Variants in MCM6 observed in about 807,000 individuals in gnomAD.
MCM6 encodes minichromosome maintenance complex component 6, also known as DNA replication licensing factor MCM6.
A neutral mutation model predicts 94.3 loss-of-function variants in MCM6; 46 were observed. The ratio of observed to expected loss-of-function variants is 0.49; its 90% CI spans 0.39 to 0.62. The LOEUF is 0.62. Among genes scored for constraint, MCM6 ranks in the 20% least tolerant of loss-of-function variants. MCM6 has a pLI of 0.00. For missense variants in MCM6, 865 were observed against 1,017.9 expected (o/e 0.85, Z 2.04); for synonymous variants, 335 against 351.9 (o/e 0.95, Z 0.54).
Position 135,839,917 on chromosome 2 carries a change from T to C in MCM6, c.*918A>G, listed in dbSNP as rs1198406454. ...TAGCCTCAGACAGTTATTTTGCTTT[T>C]GTGACCTTTAACATACTTTGTGATT... is the stretch of plus-strand genomic sequence containing the variant. On this transcript the variant is annotated 3_prime_UTR_variant, in exon 17 of 17. Coordinates refer to ENST00000264156, the MANE Select transcript of MCM6 (RefSeq NM_005915.6). The C allele has an allele frequency of 6.6e-6, 1 of 152,216 alleles. No individual in the cohort carries two copies. The highest frequency in any genetic ancestry group is 1.5e-5 in the Non-Finnish European group (1 of 68,056). The allele number at this position is 152,216 out of a possible 1,614,324, so 9.4% of individuals were successfully genotyped here.
rs140430334 is a variant in MCM6 at position 135,844,814 on chromosome 2, G to T, written c.2210-130C>A. The T allele has an allele frequency of 2.5e-3, 2,175 of 853,362 alleles. 15 individuals are homozygous for T. Among genetic ancestry groups the T allele is most frequent in the South Asian group, 0.016 (503 of 31,732 alleles). The allele number at this position is 853,362 out of a possible 1,614,324, so 52.9% of individuals were successfully genotyped here. On this transcript the variant is annotated intron_variant, in intron 15 of 16. Coordinates refer to ENST00000264156, the MANE Select transcript of MCM6 (RefSeq NM_005915.6). ...TGTCAAGCCGTCCGAAAGTACATCT[G>T]GTGACGTAAGGTCCGCAATGTTCTA...
chr2:135,872,880 A>G, intron 1 of MCM6, 37 bp from the exon 2 acceptor site: 1 of 1,608,752 alleles, frequency 6.2e-7, no homozygotes, highest in Non-Finnish European at 8.5e-7. Flanking sequence ...TTAAGGACAC[A>G]GGCAGTACAA....
rs56032943 is a variant in MCM6 at position 135,858,803 on chromosome 2, A to T, written c.1362+498T>A. ...GATCTAAACTAGTAACAGCAAACAC[A>T]CGTGCTCAGGACATGCTGATCAACT... On this transcript the variant is annotated intron_variant, in intron 9 of 16. Transcript: ENST00000264156. Among the ~76,000 whole-genome samples, 1,286 of 152,314 alleles carry T rather than the reference A, an allele frequency of 8.4e-3. 23 individuals are homozygous for T. The highest frequency in any genetic ancestry group is 0.029 in the African/African-American group (1,211 of 41,570).
At chr2:135,858,608 T>G (rs1001948766) in intron 9 of MCM6, among the ~76,000 whole-genome samples, 3 of 151,780 alleles carry the variant, frequency 2.0e-5, no homozygotes, top group Non-Finnish European at 2.9e-5. Flanking sequence ...CTTAACTCCC[T>G]TTTCTAAGGA....
In MCM6 at chr2:135,865,152, T is replaced by C. The variant is rs767371849; in HGVS notation, c.939A>G (p.Lys313=). 2.6e-6 allele frequency: 4 copies of C among 1,530,842 alleles called. No homozygotes were observed. Among genetic ancestry groups the C allele is most frequent in the Non-Finnish European group, 2.6e-6 (3 of 1,141,468 alleles). 94.8% of individuals were successfully genotyped at this position (1,530,842 alleles called of 1,614,324 possible). A position where few individuals can be genotyped will look rare whatever the true frequency, so the allele number is the denominator to read the frequency against. ...CTGTCTGTTCCTCATCTCTGAGCTCTTTCCCCCCAAACTAATGGTAGAGAA... is the reference window on the plus strand; with the variant it reads ...CTGTCTGTTCCTCATCTCTGAGCTCCTTCCCCCCAAACTAATGGTAGAGAA... ...VAPTNPRFGG[K]ELRDEEQTAE... The change falls in exon 7 of 17, where the codon AAA becomes AAG. Residue 313 remains lysine, a synonymous_variant. Coordinates refer to ENST00000264156, the MANE Select transcript of MCM6 (RefSeq NM_005915.6).
At chr2:135,856,429 A>G (rs1055066398) in intron 11 of MCM6, among the ~76,000 whole-genome samples, 1 of 152,236 alleles carries the variant, frequency 6.6e-6, no homozygotes, top group Non-Finnish European at 1.5e-5. Flanking sequence ...GTCTCCAGTG[A>G]GAGGCTGTTT....
At chr2:135,859,638 C>T (rs1170724475) in intron 8 of MCM6, among the ~76,000 whole-genome samples, 196 bp from the exon 9 acceptor site, 1 of 151,594 alleles carries the variant, frequency 6.6e-6, no homozygotes, top group Non-Finnish European at 1.5e-5. Context: ...GGGTCTCGCT[C>T]TGTCACCAGA....
Position 135,840,760 on chromosome 2 carries a change from A to G in MCM6, c.*75T>C, listed in dbSNP as rs1018915892. The G allele has an allele frequency of 1.0e-5, 10 of 971,548 alleles. No individual in the cohort carries two copies. The African/African-American group carries it at 1.6e-4, about 16-fold the overall frequency. 60.2% of individuals were successfully genotyped at this position (971,548 alleles called of 1,614,324 possible). ...TTCCAGAAACACTTCTGTCCCTAGC[A>G]GAGCTCCAGCCAGGCTCCAGGCCAC... is the stretch of plus-strand genomic sequence containing the variant. On this transcript the variant is annotated 3_prime_UTR_variant, in exon 17 of 17. Coordinates refer to ENST00000264156, the MANE Select transcript of MCM6 (RefSeq NM_005915.6).
intron 16 of MCM6, among the ~76,000 whole-genome samples, chr2:135,841,312 AT>A (rs1679564884): frequency 8.4e-6 from 1 of 119,654 alleles, no homozygotes; most frequent in African/African-American, 3.2e-5. Flanking sequence ...TTCATACTTA[AT>A]ATCATTCAGC....
At chr2:135,843,753 A>G (rs1025540322) in intron 16 of MCM6, among the ~76,000 whole-genome samples, 1 of 149,556 alleles carries the variant, frequency 6.7e-6, no homozygotes, top group Non-Finnish European at 1.5e-5. Flanking sequence ...AAAAAACAAA[A>G]CCATTCAGGG....
chr2:135,848,999 A>T (rs1679718497), intron 13 of MCM6, among the ~76,000 whole-genome samples: 1 of 152,256 alleles, frequency 6.6e-6, no homozygotes, highest in African/African-American at 2.4e-5. Flanking sequence ...AAATTCAACA[A>T]GAAACACTGA....
chr2:135,875,147 C>T (rs62159037), intron 1 of MCM6, among the ~76,000 whole-genome samples: 1 of 152,156 alleles, frequency 6.6e-6, no homozygotes, highest in Non-Finnish European at 1.5e-5. Context: ...GGGGGGATCA[C>T]CTGAGGTCGG....
Position 135,859,430 on chromosome 2 carries a change from C to A in MCM6, c.1233G>T (p.Glu411Asp). Residue 411 changes from glutamate (E) to aspartate (D), a missense_variant, in exon 9 of 17, where the codon GAG becomes GAT. This residue lies in a region of MCM6 where 153 missense variants were observed against 241.5 expected (regional missense o/e 0.63). Coordinates refer to ENST00000264156, the MANE Select transcript of MCM6 (RefSeq NM_005915.6). ...TGGTGTAGACAGCTCTGGGGCTGAA[C>A]TCCTCCACGTGCCTGTTCAAGGTTA... ...AKSQFLKHVEEFSPRAVYTSG... is the reference protein window; with the variant it reads ...AKSQFLKHVEDFSPRAVYTSG... 1.2e-6 allele frequency: 2 copies of A among 1,611,132 alleles called. No homozygotes were observed. The highest frequency in any genetic ancestry group is 2.2e-5 in the South Asian group (2 of 90,682).
At chr2:135,869,414 A>G (rs1243216872) in intron 3 of MCM6, among the ~76,000 whole-genome samples, 1 of 151,126 alleles carries the variant, frequency 6.6e-6, no homozygotes, top group Non-Finnish European at 1.5e-5. Context: ...AAAAAAAAAA[A>G]ACAAAAACAG....
chr2:135,872,621 CA>C (rs1429042411), intron 2 of MCM6, 75 bp downstream of exon 2: 1 of 1,438,998 alleles, frequency 6.9e-7, no homozygotes, highest in Non-Finnish European at 9.6e-7. Context: ...CACAAGTGAA[CA>C]CTTACAGTCC....
rs1317500100 is a variant in MCM6, at chr2:135,868,666, T to C, written c.560A>G (p.Asn187Ser). ...PNICRNPVCA[N>S]RRRFLLDTNK... ...TGTATCCAGTAAGAATCTCCTCCTG[T>C]TGGCACAAACTGGATTTCGGCAGAT... Residue 187 changes from asparagine to serine, a missense_variant, in exon 4 of 17, where the codon AAC (asparagine) becomes AGC (serine). Asn to Ser is a conservative substitution (Grantham distance 46, BLOSUM62 1). Around this residue, in one of 3 missense-constraint regions of MCM6, gnomAD observed 404 missense variants for 451.9 expected, o/e 0.89. Transcript: ENST00000264156. 1.2e-6 allele frequency: 2 copies of C among 1,614,196 alleles called. No homozygotes were observed. Among genetic ancestry groups the C allele is most frequent in the East Asian group, 4.5e-5 (2 of 44,890 alleles).
In MCM6 at chr2:135,846,217, C is replaced by T. The variant is rs778181261; in HGVS notation, c.2209+20G>A. On this transcript the variant is annotated intron_variant, in intron 15 of 16. Coordinates refer to ENST00000264156, the MANE Select transcript of MCM6 (RefSeq NM_005915.6). ...TTACAGAAGTGACCGAGCATGTAAG[C>T]AGTACCAGGTAAGCCTCACCTTCTT... 5 of 1,612,474 alleles carry T rather than the reference C, an allele frequency of 3.1e-6. No homozygotes were observed. The highest frequency in any genetic ancestry group is 2.2e-5 in the South Asian group (2 of 90,966).
At chr2:135,848,976 A>C (rs1261131631) in intron 13 of MCM6, among the ~76,000 whole-genome samples, 2 of 152,238 alleles carry the variant, frequency 1.3e-5, no homozygotes, top group Admixed American at 1.3e-4. Context: ...AACAAACATG[A>C]TAAAATATCA....
intron 8 of MCM6, among the ~76,000 whole-genome samples, chr2:135,861,060 A>G (rs573803309): frequency 6.7e-6 from 1 of 150,230 alleles, no homozygotes; most frequent in South Asian, 2.1e-4. Flanking sequence ...GAATGACAAG[A>G]AAAAAAAAAG....
Sources: allele counts gnomAD v4.1 joint callset (sites outside exome capture counted in the v4.1 genomes callset), GRCh38; gene constraint gnomAD v4.1.1; regional missense constraint gnomAD v4.1.1; transcripts MANE v1.5; gene names NCBI Gene and HGNC (gene_info 2026-07-23, HGNC 2026-07-21).